Variants in PCDHGA11 observed in about 807,000 individuals in gnomAD.
The protein encoded by PCDHGA11 is protocadherin gamma-A11.
PCDHGA11 carries 39 observed loss-of-function variants against 60.4 expected under a neutral mutation model. That is an observed-to-expected ratio of 0.65 (90% CI 0.50 to 0.84). The LOEUF is 0.84. Ranked by LOEUF, PCDHGA11 falls within the 40% of genes least tolerant of loss-of-function variation. The probability of loss-of-function intolerance (pLI) is 0.00; values close to 1 mark genes in which losing one functional copy is unlikely to be tolerated. For missense variants in PCDHGA11, 1,165 were observed against 1,197.7 expected, an observed-to-expected ratio of 0.97 and a Z score of 0.40; for synonymous variants, 533 against 510.3, an observed-to-expected ratio of 1.04 and a Z score of -0.60.
At chr5:141,434,691 A>G (rs1263712056) in intron 1 of PCDHGA11, among the ~76,000 whole-genome samples, 2 of 152,150 alleles carry the variant, frequency 1.3e-5, no homozygotes. Flanking sequence ...GCTTGCTGTT[A>G]ATAAATATGT....
At chr5:141,488,525 G>A (rs1040463796) in intron 1 of PCDHGA11, among the ~76,000 whole-genome samples, 1 of 152,182 alleles carries the variant, frequency 6.6e-6, no homozygotes, top group African/African-American at 2.4e-5. Flanking sequence ...TGGGGTGTCA[G>A]AAAAGCTAAG....
At chr5:141,423,975 A>G in intron 1 of PCDHGA11, 2 of 1,126,024 alleles carry the variant, frequency 1.8e-6, no homozygotes, top group Non-Finnish European at 2.2e-6. Flanking sequence ...TTATCAGTGT[A>G]TGAGGCTCTC....
In PCDHGA11 at chr5:141,512,809, A is replaced by C. The variant is rs2099884438; in HGVS notation, c.*1636A>C. ...GTGTTTTGTGCTGTGTCCACGCGCT[A>C]AGGCGACCCCCTCCCCCGTACTGAC... On this transcript the variant is annotated 3_prime_UTR_variant, in exon 4 of 4. Coordinates refer to ENST00000398587, the MANE Select transcript of PCDHGA11 (RefSeq NM_018914.3). 6.6e-6 allele frequency: 1 copy of C among 152,130 alleles called. No homozygotes were observed. The highest frequency in any genetic ancestry group is 2.4e-5 in the African/African-American group (1 of 41,404). The allele number at this position is 152,130 out of a possible 1,614,324, so 9.4% of individuals were successfully genotyped here. A position where few individuals can be genotyped will look rare whatever the true frequency, so the allele number is the denominator to read the frequency against.
Position 141,476,605 on chromosome 5 carries a change from T to C in PCDHGA11, c.2434-18202T>C, listed in dbSNP as rs1394742940. ...CGCTCGAGAGCGCGCACGATCCCGATGTGGGAAGCAACTCTTTACAAACCT... is the reference window on the plus strand; with the variant it reads ...CGCTCGAGAGCGCGCACGATCCCGACGTGGGAAGCAACTCTTTACAAACCT... On this transcript the variant is annotated intron_variant, in intron 1 of 3. Transcript: ENST00000398587. This position sits in a 1 kb window ranked among gnomAD's most constrained non-coding sequence, Gnocchi z 7.6. 1.9e-6 allele frequency: 3 copies of C among 1,614,066 alleles called. No individual in the cohort carries two copies. In the East Asian group the frequency reaches 6.7e-5, roughly 36 times the overall value.
chr5:141,428,406 C>T (rs908202809), intron 1 of PCDHGA11: 1 of 473,274 alleles, frequency 2.1e-6, no homozygotes, highest in Non-Finnish European at 3.9e-6. Context: ...CCTGGGGTTG[C>T]TTTCACCCTG....
At chr5:141,472,507 T>G (rs919448316) in intron 1 of PCDHGA11, among the ~76,000 whole-genome samples, 2 of 151,872 alleles carry the variant, frequency 1.3e-5, no homozygotes, top group African/African-American at 4.8e-5. Context: ...GCCACTGCAC[T>G]CCAGCCTGGG....
intron 1 of PCDHGA11, among the ~76,000 whole-genome samples, chr5:141,469,187 G>T (rs147209381): frequency 5.9e-5 from 9 of 151,588 alleles, no homozygotes; most frequent in African/African-American, 1.9e-4. Context: ...GAGGCAAGAG[G>T]ATTGCTTGAG....
Position 141,511,256 on chromosome 5 carries a change from TTCAGGGC to T in PCDHGA11, c.*85_*91del. 6.4e-7 allele frequency: 1 copy of T among 1,563,506 alleles called. No individual in the cohort carries two copies. Among genetic ancestry groups the T allele is most frequent in the Non-Finnish European group, 8.7e-7 (1 of 1,154,422 alleles). The stretch of plus-strand genomic sequence containing the variant: ...CTTACCTGCACCCAGGCCTCAGAGT[TTCAGGGC>T]TAACCCCCAGAATACTGGTAGGGGC... On this transcript the variant is annotated 3_prime_UTR_variant, in exon 4 of 4. Coordinates refer to ENST00000398587, the MANE Select transcript of PCDHGA11 (RefSeq NM_018914.3).
chr5:141,433,921 T>G (rs1203867326), intron 1 of PCDHGA11, among the ~76,000 whole-genome samples: 2 of 152,012 alleles, frequency 1.3e-5, no homozygotes, highest in African/African-American at 4.8e-5. Flanking sequence ...CACCTCCAAA[T>G]GAAGATTTTA....
Position 141,431,687 on chromosome 5 carries a change from G to A in PCDHGA11, c.2433+8027G>A. On this transcript the variant is annotated intron_variant, in intron 1 of 3. Transcript: ENST00000398587. This position sits in a 1 kb window ranked among gnomAD's most constrained non-coding sequence, Gnocchi z 4.8. ...ATCAACAATAGGGGAGTTGGACCAC[G>A]AGGAGTCAGGATTCTACCAGATGGA... The A allele has an allele frequency of 1.9e-6, 3 of 1,614,214 alleles. No homozygotes were observed. Among genetic ancestry groups the A allele is most frequent in the Middle Eastern group, 1.6e-4 (1 of 6,062 alleles).
intron 1 of PCDHGA11, among the ~76,000 whole-genome samples, chr5:141,492,802 G>A (rs1490284966): frequency 6.6e-6 from 1 of 152,234 alleles, no homozygotes; most frequent in Non-Finnish European, 1.5e-5. Flanking sequence ...GCAGGACTGG[G>A]ACTCCAGTGG....
chr5:141,501,706 T>TA (rs2099810629), intron 2 of PCDHGA11, among the ~76,000 whole-genome samples: 1 of 152,094 alleles, frequency 6.6e-6, no homozygotes, highest in South Asian at 2.1e-4. Flanking sequence ...ATTCCGAGGA[T>TA]AAAAAAGACA....
At chr5:141,469,424 AC>A (rs1173507321) in intron 1 of PCDHGA11, among the ~76,000 whole-genome samples, 1 of 151,864 alleles carries the variant, frequency 6.6e-6, no homozygotes, top group East Asian at 1.9e-4. Context: ...AAAATATAAA[AC>A]TTAGCTGGGC....
intron 1 of PCDHGA11, among the ~76,000 whole-genome samples, chr5:141,439,208 C>A: frequency 6.6e-6 from 1 of 151,294 alleles, no homozygotes. Flanking sequence ...AAAAAAAATC[C>A]ATATGTGAAA....
At chr5:141,453,287 A>ATTT (rs2098760771) in intron 1 of PCDHGA11, among the ~76,000 whole-genome samples, 3 of 151,368 alleles carry the variant, frequency 2.0e-5, no homozygotes, top group African/African-American at 7.3e-5. Flanking sequence ...CTAATTTTTT[A>ATTT]ATTATTTATT....
In PCDHGA11 at chr5:141,486,329, A is replaced by C. The variant is rs1045072240; in HGVS notation, c.2434-8478A>C. 1.2e-6 allele frequency: 2 copies of C among 1,613,882 alleles called. No individual in the cohort carries two copies. Among genetic ancestry groups the C allele is most frequent in the African/African-American group, 2.7e-5 (2 of 74,866 alleles). ...AGACTCAGGGTCAAACGGAGATGTG[A>C]GCCTCCGCATTCCTGACCACTTGCC... On this transcript the variant is annotated intron_variant, in intron 1 of 3. Transcript: ENST00000398587. The surrounding 1 kb of genome is among the most constrained non-coding windows in gnomAD (Gnocchi z 5.0).
chr5:141,434,861 T>C (rs1157640770), intron 1 of PCDHGA11, among the ~76,000 whole-genome samples: 1 of 151,998 alleles, frequency 6.6e-6, no homozygotes, highest in Non-Finnish European at 1.5e-5. Context: ...TAAATTTATA[T>C]ATATGTGACA....
Position 141,490,972 on chromosome 5 carries a change from C to G in PCDHGA11, c.2434-3835C>G. 6.2e-7 allele frequency: 1 copy of G among 1,613,912 alleles called. No homozygotes were observed. Among genetic ancestry groups the G allele is most frequent in the Non-Finnish European group, 8.5e-7 (1 of 1,179,922 alleles). Reference sequence around the variant, plus strand: ...AGACTGGGAACACTCAGCCCCCCAGCGTCTCCCTCGCTCTGCTCCTCCTGG... The same window carrying G: ...AGACTGGGAACACTCAGCCCCCCAGGGTCTCCCTCGCTCTGCTCCTCCTGG... On this transcript the variant is annotated intron_variant, in intron 1 of 3. Coordinates refer to ENST00000398587, the MANE Select transcript of PCDHGA11 (RefSeq NM_018914.3). The surrounding 1 kb of genome is among the most constrained non-coding windows in gnomAD (Gnocchi z 5.4).
At chr5:141,453,464 C>A (rs186131587) in intron 1 of PCDHGA11, among the ~76,000 whole-genome samples, 16 of 152,090 alleles carry the variant, frequency 1.1e-4, no homozygotes, top group Non-Finnish European at 1.9e-4. Flanking sequence ...AAAACATTAA[C>A]ATAAAGTCAA....
Sources: gnomAD v4.1 joint callset for allele counts (sites outside exome capture counted in the v4.1 genomes callset) on GRCh38, gnomAD v4.1.1 for gene constraint, Gnocchi (gnomAD v3.1) non-coding constraint, MANE v1.5 for transcripts, NCBI Gene and HGNC (gene_info 2026-07-23, HGNC 2026-07-21) for gene names.